The following ADAM20 variants were observed in gnomAD, a reference collection of about 807,000 sequenced individuals.
ADAM20 encodes the protein ADAM metallopeptidase domain 20, also known as disintegrin and metalloproteinase domain-containing protein 20.
For missense variants in ADAM20, 871 were observed against 883.2 expected, an observed-to-expected ratio of 0.99 and a Z score of 0.18; for synonymous variants, 305 against 310.2, an observed-to-expected ratio of 0.98 and a Z score of 0.18.
the ADAM20 span, among the ~76,000 whole-genome samples, chr14:70,576,709 T>C: frequency 1.3e-5 from 2 of 151,856 alleles, no homozygotes; most frequent in African/African-American, 4.8e-5. Context: ...CAGAACTACG[T>C]AGGGTACATA....
At chr14:70,572,267 T>C in the ADAM20 span, among the ~76,000 whole-genome samples, 7 of 152,162 alleles carry the variant, frequency 4.6e-5, no homozygotes, top group African/African-American at 1.7e-4. Flanking sequence ...ATGAATGGAA[T>C]AGAATAGAGA....
the ADAM20 span, among the ~76,000 whole-genome samples, chr14:70,572,833 T>C: frequency 6.6e-6 from 1 of 151,484 alleles, no homozygotes. Context: ...CATGAAAAAA[T>C]GCTCAACATC....
At chr14:70,525,495 T>C (rs1883570955) in intron 1 of ADAM20, among the ~76,000 whole-genome samples, 1 of 152,282 alleles carries the variant, frequency 6.6e-6, no homozygotes, top group South Asian at 2.1e-4. Flanking sequence ...GTACTGGGAT[T>C]ACAGGCATGA....
chr14:70,538,667 C>T (rs1883885346), upstream of ADAM20, among the ~76,000 whole-genome samples: 1 of 152,334 alleles, frequency 6.6e-6, no homozygotes, highest in Middle Eastern at 3.4e-3. Flanking sequence ...CACCAAAAAT[C>T]CTGTTTCAGG....
Position 70,523,351 on chromosome 14 carries a change from A to G in ADAM20, c.1407T>C (p.Val469=). The G allele has an allele frequency of 1.2e-6, 2 of 1,614,060 alleles. No homozygotes were observed. Residue 469 remains valine, a synonymous_variant, in exon 2 of 2, where the codon GTT becomes GTC. Transcript: ENST00000256389. ...ACCACTCTGGAAGGTCACATTCACCAACTTGTTGTCTACATAAAGTTCCTG... is the reference window on the plus strand; with the variant it reads ...ACCACTCTGGAAGGTCACATTCACCGACTTGTTGTCTACATAAAGTTCCTG... ...LPSGTLCRQQ[V]GECDLPEWCN...
chr14:70,527,964 G>C (rs1883625950), intron 1 of ADAM20, among the ~76,000 whole-genome samples: 1 of 152,128 alleles, frequency 6.6e-6, no homozygotes, highest in South Asian at 2.1e-4. Flanking sequence ...TCAATGTTTA[G>C]ATTAAATTCA....
chr14:70,523,115 C>T lies in ADAM20; in HGVS notation c.1643G>A (p.Gly548Asp). 1.9e-6 allele frequency: 3 copies of T among 1,613,964 alleles called. No homozygotes were observed. Among genetic ancestry groups the T allele is most frequent in the Non-Finnish European group, 2.5e-6 (3 of 1,179,942 alleles). The change falls in exon 2 of 2, where the codon GGC becomes GAC. Residue 548 changes from glycine (G) to aspartate (D), a missense_variant. Gly to Asp is a moderately conservative substitution (Grantham distance 94). Coordinates refer to ENST00000256389, the MANE Select transcript of ADAM20 (RefSeq NM_003814.5). The part of the protein sequence containing the change: ...GNRFGHCGIV[G>D]TTYVKCWTPD... ...GGTCCAACATTTTACATATGTTGTG[C>T]CTACAATACCACAGTGACCGAAACG...
chr14:70,578,781 G>A, the ADAM20 span, among the ~76,000 whole-genome samples: 1 of 152,094 alleles, frequency 6.6e-6, no homozygotes, highest in Non-Finnish European at 1.5e-5. Context: ...GACTTCTAAT[G>A]ATGCTGTTGC....
the ADAM20 span, among the ~76,000 whole-genome samples, chr14:70,563,258 A>T: frequency 5.3e-5 from 8 of 152,100 alleles, no homozygotes; most frequent in African/African-American, 1.9e-4. Flanking sequence ...TCACGACTGG[A>T]GTACACAGAA....
chr14:70,533,064 C>T (rs1197759894), intron 1 of ADAM20, among the ~76,000 whole-genome samples: 10 of 152,098 alleles, frequency 6.6e-5, no homozygotes. Flanking sequence ...CATCTCATGC[C>T]AGTTAGAATG....
chr14:70,565,309 T>C, the ADAM20 span, among the ~76,000 whole-genome samples: 1 of 151,670 alleles, frequency 6.6e-6, no homozygotes, highest in Non-Finnish European at 1.5e-5. Context: ...ATATATACAT[T>C]ATGGAAGGCC....
intron 1 of ADAM20, among the ~76,000 whole-genome samples, chr14:70,527,533 C>A (rs1238102826): frequency 2.6e-5 from 4 of 152,192 alleles, no homozygotes; most frequent in East Asian, 3.8e-4. Context: ...GAATCACTTA[C>A]CAGCAAACTG....
chr14:70,553,525 TAAA>T, the ADAM20 span, among the ~76,000 whole-genome samples: 11 of 56,978 alleles, frequency 1.9e-4, no homozygotes, highest in African/African-American at 6.5e-4. Flanking sequence ...GCAAAAATCC[TAAA>T]AAAAAAAAAA....
At chr14:70,541,206 G>A in the ADAM20 span, among the ~76,000 whole-genome samples, 3 of 152,164 alleles carry the variant, frequency 2.0e-5, no homozygotes, top group Non-Finnish European at 4.4e-5. Flanking sequence ...TGAAGGTCAC[G>A]AAAAATTTTA....
At chr14:70,576,592 C>T in the ADAM20 span, among the ~76,000 whole-genome samples, 1 of 151,978 alleles carries the variant, frequency 6.6e-6, no homozygotes, top group East Asian at 1.9e-4. Context: ...AACAACTGAC[C>T]CTCAGAAACT....
the ADAM20 span, among the ~76,000 whole-genome samples, chr14:70,541,154 G>A: frequency 3.9e-5 from 6 of 152,200 alleles, no homozygotes; most frequent in Non-Finnish European, 8.8e-5. Context: ...GGAAAGGAAT[G>A]TTTACAACAA....
chr14:70,554,902 C>T, the ADAM20 span, among the ~76,000 whole-genome samples: 1 of 152,166 alleles, frequency 6.6e-6, no homozygotes, highest in African/African-American at 2.4e-5. Flanking sequence ...GTACACTTCA[C>T]AGTGTGGGAG....
the ADAM20 span, among the ~76,000 whole-genome samples, chr14:70,562,726 T>A: frequency 6.6e-6 from 1 of 152,116 alleles, no homozygotes; most frequent in African/African-American, 2.4e-5. Flanking sequence ...GTGAAGAAAG[T>A]GCTTGCTTCC....
chr14:70,574,991 T>C, the ADAM20 span, among the ~76,000 whole-genome samples: 1 of 151,736 alleles, frequency 6.6e-6, no homozygotes, highest in African/African-American at 2.4e-5. Flanking sequence ...AAAAAGATAC[T>C]AGACTCACAG....
Sources: gnomAD v4.1 joint callset for allele counts (sites outside exome capture counted in the v4.1 genomes callset) on GRCh38, gnomAD v4.1.1 for gene constraint, MANE v1.5 for transcripts, NCBI Gene and HGNC (gene_info 2026-07-23, HGNC 2026-07-21) for gene names.